GALNTL6: variants seen among roughly 807,000 people sequenced by gnomAD.
GALNTL6 encodes the protein polypeptide N-acetylgalactosaminyltransferase-like 6.
GALNTL6 carries 46 observed loss-of-function variants against 73.7 expected under a neutral mutation model. That is an observed-to-expected ratio of 0.62 (90% CI 0.49 to 0.80). The LOEUF is 0.80. GALNTL6 is among the 30% of genes least tolerant of loss of function. The probability of loss-of-function intolerance (pLI) is 0.00; values close to 1 mark genes in which losing one functional copy is unlikely to be tolerated. For synonymous variants in GALNTL6, 259 were observed against 263.7 expected, an observed-to-expected ratio of 0.98 and a Z score of 0.17; for missense variants, 604 against 755.0, an observed-to-expected ratio of 0.80 and a Z score of 2.34.
intron 9 of GALNTL6, among the ~76,000 whole-genome samples, chr4:172,938,906 C>A (rs368031131): frequency 1.5e-4 from 23 of 152,270 alleles, no homozygotes; most frequent in African/African-American, 5.5e-4. Context: ...ACAATATAAC[C>A]TAAAGGGCAA....
At chr4:172,268,437 C>A (rs1028722292) in intron 3 of GALNTL6, among the ~76,000 whole-genome samples, 1 of 152,162 alleles carries the variant, frequency 6.6e-6, no homozygotes, top group Non-Finnish European at 1.5e-5. Flanking sequence ...TCGTCACTTG[C>A]TAAAGCAAGG....
At chr4:172,284,199 T>A (rs912035540) in intron 3 of GALNTL6, among the ~76,000 whole-genome samples, 6 of 152,210 alleles carry the variant, frequency 3.9e-5, no homozygotes, top group Admixed American at 2.6e-4. Context: ...AGAATTCATA[T>A]CAGTGCAATT....
rs149215656 is a variant in GALNTL6, at chr4:171,913,942, G to A, written c.138+99224G>A. Among the ~76,000 whole-genome samples the A allele has an allele frequency of 1.5e-3, 228 of 151,956 alleles. 1 individual carries two copies. The highest frequency in any genetic ancestry group is 9.8e-3 in the Admixed American group (149 of 15,218). Reference sequence around the variant, plus strand: ...TAAATGGCTCAGCTCTTTTTTAACTGAAAAAATCCAAAATTGAAATGTAAA... The same window carrying A: ...TAAATGGCTCAGCTCTTTTTTAACTAAAAAAATCCAAAATTGAAATGTAAA... On this transcript the variant is annotated intron_variant, in intron 2 of 12. Transcript: ENST00000506823.
At chr4:172,365,672 G>A (rs762520336) in intron 5 of GALNTL6, among the ~76,000 whole-genome samples, 2 of 150,204 alleles carry the variant, frequency 1.3e-5, no homozygotes, top group Admixed American at 6.6e-5. Context: ...TTATAAATTC[G>A]TGAGTTTATC....
intron 7 of GALNTL6, among the ~76,000 whole-genome samples, chr4:172,838,080 G>A (rs571941736): frequency 1.3e-5 from 2 of 151,834 alleles, no homozygotes; most frequent in South Asian, 2.1e-4. Context: ...GTGTTTGCTC[G>A]CACAGCATGG....
At chr4:172,987,133 T>C (rs1751323727) in intron 10 of GALNTL6, among the ~76,000 whole-genome samples, 1 of 152,194 alleles carries the variant, frequency 6.6e-6, no homozygotes, top group Admixed American at 6.5e-5. Flanking sequence ...AAATAAGCTT[T>C]AGTTCATGTA....
intron 5 of GALNTL6, among the ~76,000 whole-genome samples, chr4:172,520,696 T>G (rs1734749566): frequency 6.6e-6 from 1 of 152,018 alleles, no homozygotes; most frequent in Non-Finnish European, 1.5e-5. Context: ...AACTGTTTTC[T>G]TAGGGAGGAC....
At chr4:172,611,746 A>G (rs1472344664) in intron 5 of GALNTL6, among the ~76,000 whole-genome samples, 1 of 152,022 alleles carries the variant, frequency 6.6e-6, no homozygotes, top group African/African-American at 2.4e-5. Context: ...ATTTTCATGT[A>G]ATCAGTCTAC....
intron 3 of GALNTL6, among the ~76,000 whole-genome samples, chr4:172,266,587 G>A (rs565364870): frequency 2.0e-5 from 3 of 151,902 alleles, no homozygotes; most frequent in Admixed American, 6.6e-5. Flanking sequence ...TAAAATACAC[G>A]AAAGTACATT....
At chr4:172,028,578 A>G (rs1741666254) in intron 2 of GALNTL6, among the ~76,000 whole-genome samples, 1 of 152,056 alleles carries the variant, frequency 6.6e-6, no homozygotes, top group Non-Finnish European at 1.5e-5. Context: ...AAATTTTGTT[A>G]TGAAATTGCT....
intron 11 of GALNTL6, among the ~76,000 whole-genome samples, chr4:173,020,404 G>A (rs1440012099): frequency 6.6e-6 from 1 of 152,200 alleles, no homozygotes; most frequent in Non-Finnish European, 1.5e-5. Context: ...GACTAGGATA[G>A]GAATGTGTTG....
intron 2 of GALNTL6, among the ~76,000 whole-genome samples, chr4:172,131,408 T>A (rs966722468): frequency 3.2e-5 from 3 of 93,712 alleles, no homozygotes; most frequent in African/African-American, 1.3e-4. Flanking sequence ...GCCTTTAAAA[T>A]ATATATATAT....
At chr4:172,944,867 C>T (rs1002959517) in intron 9 of GALNTL6, among the ~76,000 whole-genome samples, 1 of 151,986 alleles carries the variant, frequency 6.6e-6, no homozygotes, top group Non-Finnish European at 1.5e-5. Flanking sequence ...ACCAGCCTGA[C>T]CAACATGGTG....
chr4:172,193,663 C>G (rs1735655098), intron 2 of GALNTL6, among the ~76,000 whole-genome samples: 1 of 151,950 alleles, frequency 6.6e-6, no homozygotes, highest in Non-Finnish European at 1.5e-5. Context: ...GAGATCTAGA[C>G]CATCCTGGCT....
intron 2 of GALNTL6, among the ~76,000 whole-genome samples, chr4:171,909,720 G>A (rs572868537): frequency 1.3e-5 from 2 of 152,220 alleles, no homozygotes; most frequent in South Asian, 4.1e-4. Context: ...AATCTCCTTT[G>A]AAGGATCTTA....
intron 2 of GALNTL6, among the ~76,000 whole-genome samples, chr4:172,191,448 T>G (rs1193294096): frequency 6.6e-6 from 1 of 152,186 alleles, no homozygotes; most frequent in African/African-American, 2.4e-5. Flanking sequence ...CATTAGCTCT[T>G]TGCTGGGTAA....
At chr4:172,342,068 A>C (rs1457661416) in intron 4 of GALNTL6, among the ~76,000 whole-genome samples, 2 of 152,130 alleles carry the variant, frequency 1.3e-5, no homozygotes, top group Non-Finnish European at 2.9e-5. Flanking sequence ...ATATAATATT[A>C]GTGGCTGTTA....
chr4:172,867,574 A>C (rs1022280100), intron 7 of GALNTL6, among the ~76,000 whole-genome samples: 4 of 152,232 alleles, frequency 2.6e-5, no homozygotes, highest in African/African-American at 9.6e-5. Context: ...CTCAGCCTAC[A>C]TCACCTGTAC....
chr4:172,805,343 A>G (rs1329324532), intron 5 of GALNTL6, among the ~76,000 whole-genome samples: 3 of 152,190 alleles, frequency 2.0e-5, no homozygotes, highest in African/African-American at 7.2e-5. Context: ...AAAGGAGGAA[A>G]ATACATTCTA....
Sources: allele counts gnomAD v4.1 joint callset (sites outside exome capture counted in the v4.1 genomes callset), GRCh38; gene constraint gnomAD v4.1.1; transcripts MANE v1.5; gene names NCBI Gene and HGNC (gene_info 2026-07-23, HGNC 2026-07-21).